Variants in SDK1 observed in about 807,000 individuals in gnomAD.
SDK1 encodes the protein sidekick cell adhesion molecule 1, also known as protein sidekick-1.
Under a neutral mutation model 245.5 loss-of-function variants are expected in SDK1, and 157 were observed. That is an observed-to-expected ratio of 0.64 (90% CI 0.56 to 0.73). The LOEUF is 0.73. SDK1 is among the 30% of genes least tolerant of loss of function. SDK1 has a pLI of 0.00. For missense variants in SDK1, 3,583 were observed against 3,002.3 expected (o/e 1.19, Z -4.52); for synonymous variants, 1,647 against 1,278.5 (o/e 1.29, Z -6.15).
intron 1 of SDK1, among the ~76,000 whole-genome samples, chr7:3,428,147 C>T (rs190669596): frequency 7.4e-4 from 112 of 152,264 alleles, no homozygotes; most frequent in Admixed American, 1.1e-3. Context: ...GCACAGTGAC[C>T]AATCACTGAC....
chr7:3,854,474 A>C (rs1348606780), intron 5 of SDK1, among the ~76,000 whole-genome samples: 1 of 152,226 alleles, frequency 6.6e-6, no homozygotes, highest in Non-Finnish European at 1.5e-5. Flanking sequence ...AATACTAATT[A>C]CTGGTGTTTG....
intron 38 of SDK1, 92 bp downstream of exon 38, chr7:4,210,254 G>C: frequency 7.9e-7 from 1 of 1,262,346 alleles, no homozygotes; most frequent in Non-Finnish European, 1.0e-6. Context: ...GACCGCTTCT[G>C]TGGGCCAGGA....
intron 4 of SDK1, among the ~76,000 whole-genome samples, chr7:3,731,768 G>A (rs888355711): frequency 6.6e-6 from 1 of 152,120 alleles, no homozygotes; most frequent in Admixed American, 6.5e-5. Flanking sequence ...CCATGGAGAA[G>A]AACCTCCTGC....
intron 4 of SDK1, among the ~76,000 whole-genome samples, chr7:3,696,955 C>A (rs1529659): frequency 6.6e-6 from 1 of 151,742 alleles, no homozygotes; most frequent in African/African-American, 2.4e-5. Context: ...AAAAATTCAT[C>A]TTGTTTATGG....
At chr7:3,526,440 G>T (rs1783135474) in intron 1 of SDK1, among the ~76,000 whole-genome samples, 1 of 152,156 alleles carries the variant, frequency 6.6e-6, no homozygotes, top group South Asian at 2.1e-4. Context: ...ATTGGTTTTA[G>T]ATTGGAATTG....
intron 2 of SDK1, among the ~76,000 whole-genome samples, chr7:3,631,961 G>C (rs956021224): frequency 1.3e-5 from 2 of 152,098 alleles, no homozygotes; most frequent in African/African-American, 4.8e-5. Context: ...TTATGCGTTG[G>C]AATGGATTTT....
At chr7:3,444,720 C>T (rs956687614) in intron 1 of SDK1, among the ~76,000 whole-genome samples, 11 of 152,150 alleles carry the variant, frequency 7.2e-5, no homozygotes, top group African/African-American at 2.4e-4. Flanking sequence ...TTTCAGTAGG[C>T]CAGTCCCCAG....
chr7:3,328,054 A>T (rs956019337), intron 1 of SDK1, among the ~76,000 whole-genome samples: 2 of 152,140 alleles, frequency 1.3e-5, no homozygotes, highest in African/African-American at 2.4e-5. Flanking sequence ...TCAGAATAGA[A>T]CTGCCTAAAA....
intron 5 of SDK1, among the ~76,000 whole-genome samples, chr7:3,833,121 G>T (rs1354054604): frequency 1.3e-5 from 2 of 152,100 alleles, no homozygotes; most frequent in Non-Finnish European, 1.5e-5. Context: ...TTCTAGGGAG[G>T]AAGATACAAA....
At chr7:3,743,262 A>C (rs1052732594) in intron 4 of SDK1, among the ~76,000 whole-genome samples, 1 of 152,202 alleles carries the variant, frequency 6.6e-6, no homozygotes, top group African/African-American at 2.4e-5. Flanking sequence ...CGTAAATAGC[A>C]GATGAATTTG....
chr7:3,558,830 A>G (rs1779666246), intron 1 of SDK1, among the ~76,000 whole-genome samples: 1 of 152,172 alleles, frequency 6.6e-6, no homozygotes, highest in South Asian at 2.1e-4. Flanking sequence ...GAGACTGTCA[A>G]AATTATTTCT....
At chr7:3,637,086 C>CGT (rs57931328) in intron 2 of SDK1, among the ~76,000 whole-genome samples, 51 of 148,354 alleles carry the variant, frequency 3.4e-4, no homozygotes, top group Middle Eastern at 3.4e-3. Context: ...TGCGTGCGCG[C>CGT]GTGTGTGTGT....
At chr7:4,085,341 T>G (rs1290334596) in intron 22 of SDK1, among the ~76,000 whole-genome samples, 1 of 152,228 alleles carries the variant, frequency 6.6e-6, no homozygotes, top group Non-Finnish European at 1.5e-5. Context: ...AAGTGTAATA[T>G]ATTCAGTTTA....
rs1323213530 is a variant in SDK1, at chr7:4,265,278, G to C, written c.6536G>C (p.Gly2179Ala). 6.3e-7 allele frequency: 1 copy of C among 1,588,820 alleles called. No homozygotes were observed. ...GAGGCGGTGGCGGGCTCCGAGGCGG[G>C]CGCGCAGCTGCACCCGGTCATCACC... is the stretch of plus-strand genomic sequence containing the variant. ...RYEAVAGSEA[G>A]AQLHPVITTQ... is the part of the protein sequence containing the mutation. The change falls in exon 45 of 45, where the codon GGC (glycine) becomes GCC (alanine). Residue 2179 changes from glycine to alanine, a missense_variant. By Grantham distance (60) the Gly-to-Ala change is moderately conservative. Transcript: ENST00000404826.
At chr7:3,878,535 GAAAT>G (rs541536259) in intron 5 of SDK1, among the ~76,000 whole-genome samples, 8 of 152,110 alleles carry the variant, frequency 5.3e-5, no homozygotes, top group East Asian at 3.9e-4. Flanking sequence ...AAAATAAAAT[GAAAT>G]AAATAAATAA....
intron 1 of SDK1, among the ~76,000 whole-genome samples, chr7:3,423,194 C>G (rs1779580008): frequency 6.6e-6 from 1 of 152,104 alleles, no homozygotes; most frequent in African/African-American, 2.4e-5. Flanking sequence ...AATTTAAGCA[C>G]AAATGATTAC....
intron 1 of SDK1, among the ~76,000 whole-genome samples, chr7:3,468,604 A>C (rs1435942261): frequency 6.6e-6 from 1 of 151,832 alleles, no homozygotes; most frequent in African/African-American, 2.4e-5. Context: ...TAACACCCTC[A>C]TTCCAGAGAG....
chr7:4,074,886 G>GTATATATATATA (rs1240017364), intron 20 of SDK1, among the ~76,000 whole-genome samples: 8 of 48,110 alleles, frequency 1.7e-4, no homozygotes, highest in African/African-American at 1.1e-3. Flanking sequence ...CTCTCTCTCT[G>GTATATATATATA]TATATATATA....
intron 5 of SDK1, among the ~76,000 whole-genome samples, chr7:3,861,555 A>G (rs1780692510): frequency 1.3e-5 from 2 of 152,194 alleles, no homozygotes; most frequent in African/African-American, 4.8e-5. Context: ...AATGGGAGAA[A>G]GCACGACTCA....
Sources: allele counts gnomAD v4.1 joint callset (sites outside exome capture counted in the v4.1 genomes callset), GRCh38; gene constraint gnomAD v4.1.1; transcripts MANE v1.5; gene names NCBI Gene and HGNC (gene_info 2026-07-23, HGNC 2026-07-21).